The following ADGRB3 variants were observed in gnomAD, a reference collection of about 807,000 sequenced individuals.
The protein encoded by ADGRB3 is adhesion G protein-coupled receptor B3, also known as brain-specific angiogenesis inhibitor 3.
ADGRB3 carries 37 observed loss-of-function variants against 193.4 expected under a neutral mutation model. The ratio of observed to expected loss-of-function variants is 0.19; its 90% confidence interval spans 0.15 to 0.25. The LOEUF (loss-of-function observed/expected upper bound fraction) is 0.25. ADGRB3 is among the 10% of genes least tolerant of loss of function. ADGRB3 has a pLI of 1.00. For missense variants in ADGRB3, 1,637 were observed against 1,852.9 expected (o/e 0.88, Z 2.14); for synonymous variants, 690 against 644.2 (o/e 1.07, Z -1.08).
At chr6:69,200,827 G>A (rs1160630615) in intron 17 of ADGRB3, among the ~76,000 whole-genome samples, 1 of 152,042 alleles carries the variant, frequency 6.6e-6, no homozygotes, top group East Asian at 1.9e-4. Context: ...ACTTTTAAAA[G>A]CAGGGAGAAA....
At chr6:68,636,575 AG>A (rs1223663228) in intron 1 of ADGRB3, among the ~76,000 whole-genome samples, 1 of 151,810 alleles carries the variant, frequency 6.6e-6, no homozygotes, top group Admixed American at 6.6e-5. Context: ...TGCAGTCCAA[AG>A]GGGGGTGAGG....
At chr6:69,243,354 C>T (rs888779877) in intron 20 of ADGRB3, among the ~76,000 whole-genome samples, 3 of 151,918 alleles carry the variant, frequency 2.0e-5, no homozygotes, top group Non-Finnish European at 4.4e-5. Flanking sequence ...ATACTTTCAC[C>T]CACCCTGTAT....
At chr6:69,190,416 C>T (rs1765162588) in intron 17 of ADGRB3, among the ~76,000 whole-genome samples, 1 of 151,592 alleles carries the variant, frequency 6.6e-6, no homozygotes, top group Non-Finnish European at 1.5e-5. Context: ...TATAGAAAAG[C>T]TTATAGAATA....
intron 11 of ADGRB3, among the ~76,000 whole-genome samples, chr6:68,995,750 G>C (rs1469681444): frequency 1.3e-5 from 2 of 152,070 alleles, no homozygotes; most frequent in African/African-American, 4.8e-5. Context: ...TGGGGCATCT[G>C]GAATGCCCTC....
chr6:68,771,092 G>A (rs926519185), intron 3 of ADGRB3, among the ~76,000 whole-genome samples: 2 of 151,932 alleles, frequency 1.3e-5, no homozygotes, highest in South Asian at 4.2e-4. Flanking sequence ...ATCAAATGAT[G>A]AGTGCATCCA....
At chr6:68,772,496 C>T (rs1582187983) in intron 3 of ADGRB3, among the ~76,000 whole-genome samples, 1 of 151,974 alleles carries the variant, frequency 6.6e-6, no homozygotes, top group South Asian at 2.1e-4. Flanking sequence ...CAAATATGTT[C>T]AGCTTTAAAA....
intron 17 of ADGRB3, among the ~76,000 whole-genome samples, chr6:69,203,456 T>G (rs1273210242): frequency 1.3e-5 from 2 of 151,904 alleles, no homozygotes; most frequent in Non-Finnish European, 2.9e-5. Context: ...TTTTTGTTTT[T>G]TTTTTCTCTT....
intron 3 of ADGRB3, among the ~76,000 whole-genome samples, chr6:68,737,002 T>G (rs1203508253): frequency 6.6e-6 from 1 of 152,126 alleles, no homozygotes; most frequent in Non-Finnish European, 1.5e-5. Flanking sequence ...CATTTTCCCA[T>G]ATAGTAGCAA....
intron 17 of ADGRB3, among the ~76,000 whole-genome samples, chr6:69,194,619 G>T (rs1293869008): frequency 6.6e-6 from 1 of 152,088 alleles, no homozygotes; most frequent in Non-Finnish European, 1.5e-5. Context: ...TCATGTGATG[G>T]TTATCAAATC....
chr6:69,082,446 C>T (rs749685030), intron 17 of ADGRB3, among the ~76,000 whole-genome samples: 14 of 151,970 alleles, frequency 9.2e-5, no homozygotes, highest in Non-Finnish European at 1.9e-4. Flanking sequence ...CTATCCTTTT[C>T]ATCTCATAAC....
chr6:69,115,882 T>C (rs892234773), intron 17 of ADGRB3, among the ~76,000 whole-genome samples: 1 of 152,196 alleles, frequency 6.6e-6, no homozygotes, highest in Non-Finnish European at 1.5e-5. Context: ...CAAATGTTGC[T>C]TACATCTAGG....
At chr6:69,125,576 G>A (rs1206234498) in intron 17 of ADGRB3, among the ~76,000 whole-genome samples, 4 of 152,052 alleles carry the variant, frequency 2.6e-5, no homozygotes, top group African/African-American at 7.3e-5. Context: ...TCCACAAGAC[G>A]CTGAATCTGC....
At chr6:69,057,219 G>T (rs1214983250) in intron 15 of ADGRB3, among the ~76,000 whole-genome samples, 2 of 151,960 alleles carry the variant, frequency 1.3e-5, no homozygotes, top group Non-Finnish European at 2.9e-5. Context: ...GGAAACAATT[G>T]ATTTTTGTGC....
chr6:69,352,554 C>T (rs1013076964), intron 26 of ADGRB3, among the ~76,000 whole-genome samples: 21 of 152,198 alleles, frequency 1.4e-4, no homozygotes, highest in Non-Finnish European at 2.9e-5. Flanking sequence ...ACTTCACAGA[C>T]ATTATGGCCA....
chr6:68,995,986 G>C (rs1018897297), intron 11 of ADGRB3, among the ~76,000 whole-genome samples: 1 of 151,888 alleles, frequency 6.6e-6, no homozygotes, highest in Admixed American at 6.6e-5. Context: ...ATAAACTCTG[G>C]TTTATAATCT....
intron 3 of ADGRB3, among the ~76,000 whole-genome samples, chr6:68,797,892 T>C (rs1267077086): frequency 6.6e-6 from 1 of 152,224 alleles, no homozygotes; most frequent in Non-Finnish European, 1.5e-5. Flanking sequence ...TTTTGCTTTA[T>C]TAGTAAATCA....
chr6:69,304,826 T>A (rs1445522360), intron 20 of ADGRB3, among the ~76,000 whole-genome samples: 1 of 151,542 alleles, frequency 6.6e-6, no homozygotes, highest in East Asian at 1.9e-4. Context: ...GAGGTACTAG[T>A]GTTTCTATTT....
intron 24 of ADGRB3, among the ~76,000 whole-genome samples, chr6:69,334,962 G>A (rs962198731): frequency 3.3e-5 from 5 of 152,066 alleles, no homozygotes; most frequent in African/African-American, 1.2e-4. Context: ...CATATAGCAA[G>A]CATTCACTCA....
At chr6:68,931,749 T>G (rs1767343100) in intron 4 of ADGRB3, among the ~76,000 whole-genome samples, 1 of 152,168 alleles carries the variant, frequency 6.6e-6, no homozygotes, top group South Asian at 2.1e-4. Context: ...TTAATGAGTT[T>G]TGCTCTTAAT....
Sources: allele counts gnomAD v4.1 joint callset (sites outside exome capture counted in the v4.1 genomes callset), GRCh38; gene constraint gnomAD v4.1.1; transcripts MANE v1.5; gene names NCBI Gene and HGNC (gene_info 2026-07-23, HGNC 2026-07-21).